The following SMIM35 variants were observed in gnomAD, a reference collection of about 807,000 sequenced individuals.
SMIM35 encodes TMPRSS4 antisense RNA 1 (non-protein coding).
intron 1 of SMIM35, among the ~76,000 whole-genome samples, chr11:118,019,081 T>C (rs978301808): frequency 6.6e-6 from 1 of 152,198 alleles, no homozygotes; most frequent in Non-Finnish European, 1.5e-5. Flanking sequence ...ACACCTTTTT[T>C]ATACCATTAC....
intron 1 of SMIM35, chr11:118,067,220 T>C (rs1324624991): frequency 1.3e-5 from 2 of 152,298 alleles, no homozygotes; most frequent in Admixed American, 1.3e-4. Flanking sequence ...AACCTGTACA[T>C]TAAATATTAC....
intron 1 of SMIM35, among the ~76,000 whole-genome samples, chr11:118,037,407 C>T (rs2058367898): frequency 6.6e-6 from 1 of 152,108 alleles, no homozygotes; most frequent in Non-Finnish European, 1.5e-5. Flanking sequence ...ATTATAGCTG[C>T]TAGAGGTCCT....
At chr11:118,035,558 A>G (rs74586480) in intron 1 of SMIM35, among the ~76,000 whole-genome samples, 6,035 of 152,260 alleles carry the variant, frequency 0.04, 197 homozygotes, top group East Asian at 0.19. Context: ...TCAGAACAGA[A>G]GGACCTGCGT....
rs1365670625 is a variant in SMIM35 at position 118,075,602 on chromosome 11, T to C, written c.7+11149A>G. Among the ~76,000 whole-genome samples, 3 of 149,922 alleles carry C rather than the reference T, an allele frequency of 2.0e-5. No homozygotes were observed. In the East Asian group the frequency reaches 5.8e-4, roughly 29 times the overall value. On this transcript the variant is annotated intron_variant, in intron 1 of 4. Transcript: ENST00000689828. ...TTCATGTCCATAGGCTATAGTTTCC[T>C]CAGCTGACAAATGGGAACAAAATAT... is the stretch of plus-strand genomic sequence containing the variant.
At chr11:118,055,456 C>T (rs977538499) in intron 1 of SMIM35, among the ~76,000 whole-genome samples, 1 of 152,188 alleles carries the variant, frequency 6.6e-6, no homozygotes, top group Non-Finnish European at 1.5e-5. Context: ...CTGCCACCTC[C>T]TACCAAGACA....
chr11:118,070,393 T>C (rs537071398), intron 1 of SMIM35, among the ~76,000 whole-genome samples: 36 of 152,226 alleles, frequency 2.4e-4, no homozygotes, highest in African/African-American at 7.0e-4. Flanking sequence ...GCCAGGCTGG[T>C]CTCGAACTCC....
chr11:118,074,327 TAAAAG>T (rs1944618555), intron 1 of SMIM35, among the ~76,000 whole-genome samples: 1 of 150,702 alleles, frequency 6.6e-6, no homozygotes, highest in Non-Finnish European at 1.5e-5. Flanking sequence ...GAGGAAGAGA[TAAAAG>T]AGAAGTAATG....
intron 1 of SMIM35, among the ~76,000 whole-genome samples, chr11:118,043,278 A>AT (rs35669917): frequency 3.9e-4 from 59 of 150,076 alleles, no homozygotes; most frequent in South Asian, 1.3e-3. Context: ...TTGGTAAAAC[A>AT]TTTTTTTTTT....
chr11:118,050,424 C>A (rs529579979), intron 1 of SMIM35, among the ~76,000 whole-genome samples: 2 of 152,322 alleles, frequency 1.3e-5, no homozygotes, highest in Non-Finnish European at 2.9e-5. Context: ...TCATGCACAG[C>A]CCAGGTGAGC....
At chr11:118,014,862 C>T (rs2058170948) in intron 2 of SMIM35, 121 bp from the exon 3 acceptor site, 1 of 396,916 alleles carries the variant, frequency 2.5e-6, no homozygotes, top group Non-Finnish European at 4.4e-6. Flanking sequence ...TGGGCTGGAC[C>T]TCAGGATGGT....
At chr11:118,039,859 AC>A (rs1164438704) in intron 1 of SMIM35, among the ~76,000 whole-genome samples, 2 of 151,750 alleles carry the variant, frequency 1.3e-5, no homozygotes, top group African/African-American at 4.8e-5. Flanking sequence ...AGCCTGGCCA[AC>A]ATGGTGAAGC....
intron 1 of SMIM35, among the ~76,000 whole-genome samples, chr11:118,043,430 G>GA (rs1040983947): frequency 3.9e-5 from 6 of 151,992 alleles, no homozygotes; most frequent in African/African-American, 1.4e-4. Context: ...TATGCTAAGT[G>GA]AAAAAAGCCA....
At chr11:118,050,815 T>C (rs1944201016) in intron 1 of SMIM35, among the ~76,000 whole-genome samples, 1 of 152,234 alleles carries the variant, frequency 6.6e-6, no homozygotes, top group Non-Finnish European at 1.5e-5. Context: ...CTCTCTCCTT[T>C]GTCACCTCTG....
chr11:118,023,056 A>G (rs1406044259), intron 1 of SMIM35, among the ~76,000 whole-genome samples: 1 of 151,834 alleles, frequency 6.6e-6, no homozygotes, highest in Admixed American at 6.6e-5. Flanking sequence ...CAATATATTT[A>G]TAGGCAAACA....
chr11:118,063,282 T>C (rs928268943), intron 1 of SMIM35, among the ~76,000 whole-genome samples: 18 of 152,362 alleles, frequency 1.2e-4, no homozygotes, highest in South Asian at 8.3e-4. Flanking sequence ...GAACCCCCTC[T>C]TGGGGTCTGG....
At chr11:118,041,896 C>CA (rs1200857451) in intron 1 of SMIM35, among the ~76,000 whole-genome samples, 3 of 151,556 alleles carry the variant, frequency 2.0e-5, no homozygotes, top group Admixed American at 6.6e-5. Context: ...ACTAAAAATA[C>CA]AAAAATTAGC....
chr11:118,014,767 G>A, intron 2 of SMIM35, 26 bp from the exon 3 acceptor site: 1 of 398,864 alleles, frequency 2.5e-6, no homozygotes, highest in South Asian at 1.3e-4. Flanking sequence ...AAAAAGAGAG[G>A]GTTAGCACCT....
chr11:118,038,692 CA>C (rs548166521), intron 1 of SMIM35, among the ~76,000 whole-genome samples: 11 of 136,440 alleles, frequency 8.1e-5, no homozygotes, highest in African/African-American at 2.7e-4. Context: ...TAACAGAAAG[CA>C]AAAAAACAAA....
chr11:118,083,819 G>A (rs994330996), intron 1 of SMIM35, among the ~76,000 whole-genome samples: 7 of 152,212 alleles, frequency 4.6e-5, no homozygotes, highest in South Asian at 2.1e-4. Flanking sequence ...TTGGGAGGCC[G>A]AAAAGGGCAG....
Sources: allele counts gnomAD v4.1 joint callset (sites outside exome capture counted in the v4.1 genomes callset), GRCh38; gene constraint gnomAD v4.1.1; transcripts MANE v1.5; gene names NCBI Gene and HGNC (gene_info 2026-07-23, HGNC 2026-07-21).